PLRG1: variants seen among roughly 807,000 people sequenced by gnomAD.
PLRG1 encodes the protein pleiotropic regulator 1 (PRL1 homolog, Arabidopsis).
A neutral mutation model predicts 74.9 loss-of-function variants in PLRG1; 28 were observed. That is an observed-to-expected ratio of 0.37 (90% CI 0.28 to 0.51). PLRG1 has a LOEUF of 0.51. PLRG1 is among the 20% of genes least tolerant of loss of function. The pLI is 0.91. For missense variants in PLRG1, 445 were observed against 631.9 expected, an observed-to-expected ratio of 0.70 and a Z score of 3.17; for synonymous variants, 197 against 212.4, an observed-to-expected ratio of 0.93 and a Z score of 0.63.
intron 14 of PLRG1, 110 bp from the exon 15 acceptor site, chr4:154,536,854 C>T (rs1281851804): frequency 6.5e-6 from 4 of 617,564 alleles, no homozygotes; most frequent in South Asian, 2.3e-5. Context: ...TGGCTTTATA[C>T]ACTTAGTTCT....
At chr4:154,545,067 T>C (rs1327659235) in intron 6 of PLRG1, among the ~76,000 whole-genome samples, 3 of 152,216 alleles carry the variant, frequency 2.0e-5, no homozygotes, top group Non-Finnish European at 2.9e-5. Context: ...CTGCCTGATA[T>C]ACCATCTGTT....
chr4:154,536,666 A>T lies in PLRG1; in HGVS notation c.*19T>A. On this transcript the variant is annotated 3_prime_UTR_variant, in exon 15 of 15. Coordinates refer to ENST00000499023, the MANE Select transcript of PLRG1 (RefSeq NM_002669.4). ...TAATTAAAAAGAAAAAAAAAGAGAG[A>T]GAAAAAATTCCACATTCATTAAAAT... 2 of 1,280,868 alleles carry T rather than the reference A, an allele frequency of 1.6e-6. No homozygotes were observed. The highest frequency in any genetic ancestry group is 1.1e-6 in the Non-Finnish European group (1 of 897,748). 79.3% of individuals were successfully genotyped at this position (1,280,868 alleles called of 1,614,324 possible).
chr4:154,537,417 C>A lies in PLRG1; in HGVS notation c.1354G>T (p.Ala452Ser). Residue 452 changes from alanine (A) to serine (S), a missense_variant, in exon 14 of 15, where the codon GCA becomes TCA. By Grantham distance (99) the Ala-to-Ser change is moderately conservative (BLOSUM62 1). Around this residue, in one of 3 missense-constraint regions of PLRG1, gnomAD observed 221 missense variants for 377.7 expected, o/e 0.59. Coordinates refer to ENST00000499023, the MANE Select transcript of PLRG1 (RefSeq NM_002669.4). Reference protein sequence around the residue: ...RTGYNFQRVHAAVQPGSLDSE... With the variant: ...RTGYNFQRVHSAVQPGSLDSE... ...TCCAAAGACCCAGGTTGCACAGCTG[C>A]GTGAACTCTCTGAAAATTGTAGCCA... 6.2e-7 allele frequency: 1 copy of A among 1,613,270 alleles called. No individual in the cohort carries two copies. Among genetic ancestry groups the A allele is most frequent in the Non-Finnish European group, 8.5e-7 (1 of 1,179,442 alleles).
In PLRG1 at chr4:154,550,377, A is replaced by G; in HGVS notation, c.-69T>C. The G allele has an allele frequency of 6.8e-7, 1 of 1,461,968 alleles. No homozygotes were observed. The highest frequency in any genetic ancestry group is 1.7e-5 in the Admixed American group (1 of 59,818). 90.6% of individuals were successfully genotyped at this position (1,461,968 alleles called of 1,614,324 possible). A position where few individuals can be genotyped will look rare whatever the true frequency, so the allele number is the denominator to read the frequency against. On this transcript the variant is annotated 5_prime_UTR_variant, in exon 1 of 15. Transcript: ENST00000499023. ...TCACTAACGCAGTACCCGCCGCCAC[A>G]GCTGTGCAGCACCTTCCGGAATTGG...
intron 4 of PLRG1, 171 bp downstream of exon 4, chr4:154,546,840 T>A (rs1275561183): frequency 6.6e-6 from 4 of 601,622 alleles, no homozygotes; most frequent in Non-Finnish European, 1.2e-5. Flanking sequence ...TAAGAATGTT[T>A]GCTGAATGAA....
intron 3 of PLRG1, 95 bp from the exon 4 acceptor site, chr4:154,547,159 T>C (rs1375137490): frequency 2.2e-6 from 2 of 905,018 alleles, no homozygotes; most frequent in Non-Finnish European, 3.6e-6. Flanking sequence ...AGTTTTCAAC[T>C]GGATCTATCA....
intron 12 of PLRG1, chr4:154,538,868 C>A (rs1729503802): frequency 1.4e-5 from 6 of 440,858 alleles, no homozygotes; most frequent in East Asian, 1.3e-4. Context: ...ATGATTTACA[C>A]TGTCTCATTT....
At position 154,536,640 on chromosome 4, in the gene PLRG1, T is replaced by C. The variant is rs1444056019; in HGVS notation, c.*45A>G. 9.6e-7 allele frequency: 1 copy of C among 1,038,206 alleles called. No homozygotes were observed. The highest frequency in any genetic ancestry group is 1.4e-5 in the South Asian group (1 of 70,924). The allele number at this position is 1,038,206 out of a possible 1,614,324, so 64.3% of individuals were successfully genotyped here. On this transcript the variant is annotated 3_prime_UTR_variant, in exon 15 of 15. Transcript: ENST00000499023. Reference sequence around the variant, plus strand: ...TCATGAACGCCAAGCTTTTTTTTTTTTAATTAAAAAGAAAAAAAAAGAGAG... The same window carrying C: ...TCATGAACGCCAAGCTTTTTTTTTTCTAATTAAAAAGAAAAAAAAAGAGAG...
intron 2 of PLRG1, among the ~76,000 whole-genome samples, chr4:154,548,413 C>A (rs576850789): frequency 1.3e-5 from 2 of 152,200 alleles, no homozygotes; most frequent in South Asian, 2.1e-4. Context: ...AATGCATTCC[C>A]AGACTGGAGC....
intron 8 of PLRG1, chr4:154,541,985 A>G (rs1729563560): frequency 1.8e-6 from 1 of 547,744 alleles, no homozygotes; most frequent in East Asian, 2.9e-5. Context: ...TCAGTAGGTA[A>G]AGAAAAAGTG....
Position 154,536,649 on chromosome 4 carries a change from A to G in PLRG1, c.*36T>C. The G allele has an allele frequency of 8.8e-7, 1 of 1,132,706 alleles. No homozygotes were observed. The highest frequency in any genetic ancestry group is 1.3e-6 in the Non-Finnish European group (1 of 767,978). 70.2% of individuals were successfully genotyped at this position (1,132,706 alleles called of 1,614,324 possible). A position where few individuals can be genotyped will look rare whatever the true frequency, so the allele number is the denominator to read the frequency against. On this transcript the variant is annotated 3_prime_UTR_variant, in exon 15 of 15. Transcript: ENST00000499023. ...CCAAGCTTTTTTTTTTTTAATTAAA[A>G]AGAAAAAAAAAGAGAGAGAAAAAAT...
At chr4:154,537,178 A>G (rs1360811049) in intron 14 of PLRG1, 108 bp downstream of exon 14, 3 of 636,886 alleles carry the variant, frequency 4.7e-6, no homozygotes, top group Non-Finnish European at 7.9e-6. Context: ...AAGAAGACAG[A>G]TATCTTAAAT....
In PLRG1 at chr4:154,548,931, ACCT is replaced by A; in HGVS notation, c.11_13del (p.Glu4del). 1 of 1,557,456 alleles carries A rather than the reference ACCT, an allele frequency of 6.4e-7. No individual in the cohort carries two copies. Among genetic ancestry groups the A allele is most frequent in the Non-Finnish European group, 8.9e-7 (1 of 1,128,588 alleles). On this transcript the variant is annotated inframe_deletion and splice_region_variant, in exon 2 of 15. Transcript: ENST00000499023. ...AAGGGTGTGTACAGAATGTTTCTGT[ACCT>A]CCTAAAAAAAAAGAATGTAATTACA...
intron 4 of PLRG1, 186 bp downstream of exon 4, chr4:154,546,825 G>T (rs925742378): frequency 1.7e-6 from 1 of 575,942 alleles, no homozygotes; most frequent in Non-Finnish European, 3.2e-6. Flanking sequence ...AAAATTATAC[G>T]TACTTAAGAA....
In PLRG1 at chr4:154,537,286, G is replaced by C; in HGVS notation, c.1485C>G (p.Ala495=). The C allele has an allele frequency of 6.2e-7, 1 of 1,601,246 alleles. No homozygotes were observed. Among genetic ancestry groups the C allele is most frequent in the East Asian group, 2.2e-5 (1 of 44,690 alleles). ...TIKVYREDDT[A]TEETHPVSWK... is the part of the protein sequence containing the mutation. ...AACGAATGTGAAACACAGAACTTACGGCTGTGTCATCCTCTCTGTATACTT... is the reference window on the plus strand; with the variant it reads ...AACGAATGTGAAACACAGAACTTACCGCTGTGTCATCCTCTCTGTATACTT... The change falls in exon 14 of 15, where the codon GCC becomes GCG. Residue 495 remains alanine (A), a splice_region_variant and synonymous_variant. Coordinates refer to ENST00000499023, the MANE Select transcript of PLRG1 (RefSeq NM_002669.4).
In PLRG1 at chr4:154,536,536, A is replaced by G. The variant is rs1729454170; in HGVS notation, c.*149T>C. ...AGGGGACAGGGGACAGTTTATTGTAAAATATGAAGCAGCAATGATTGAAGC... is the reference window on the plus strand; with the variant it reads ...AGGGGACAGGGGACAGTTTATTGTAGAATATGAAGCAGCAATGATTGAAGC... On this transcript the variant is annotated 3_prime_UTR_variant, in exon 15 of 15. Coordinates refer to ENST00000499023, the MANE Select transcript of PLRG1 (RefSeq NM_002669.4). 1 of 632,208 alleles carries G rather than the reference A, an allele frequency of 1.6e-6. No homozygotes were observed. Among genetic ancestry groups the G allele is most frequent in the Non-Finnish European group, 2.8e-6 (1 of 356,150 alleles). The allele number at this position is 632,208 out of a possible 1,614,324, so 39.2% of individuals were successfully genotyped here.
At chr4:154,538,799 T>C (rs901120252) in intron 12 of PLRG1, among the ~76,000 whole-genome samples, 1 of 152,166 alleles carries the variant, frequency 6.6e-6, no homozygotes, top group African/African-American at 2.4e-5. Context: ...AAATCATTTA[T>C]GTCCAAAACA....
At chr4:154,547,887 A>G in intron 2 of PLRG1, 34 bp from the exon 3 acceptor site, 2 of 1,505,218 alleles carry the variant, frequency 1.3e-6, no homozygotes, top group Non-Finnish European at 1.8e-6. Context: ...GAACGTATCC[A>G]TAAATACTTT....
intron 12 of PLRG1, among the ~76,000 whole-genome samples, chr4:154,538,409 C>T (rs2111100070): frequency 6.6e-6 from 1 of 151,886 alleles, no homozygotes; most frequent in South Asian, 2.1e-4. Flanking sequence ...ACATGAAGGG[C>T]AATGTGTTAT....
Sources: gnomAD v4.1 joint callset for allele counts (sites outside exome capture counted in the v4.1 genomes callset) on GRCh38, gnomAD v4.1.1 for gene constraint, gnomAD v4.1.1 regional missense constraint, MANE v1.5 for transcripts, NCBI Gene and HGNC (gene_info 2026-07-23, HGNC 2026-07-21) for gene names.